The following TOPAZ1 variants were observed in gnomAD, a reference collection of about 807,000 sequenced individuals.
TOPAZ1 encodes the protein protein TOPAZ1.
A neutral mutation model predicts 172.2 loss-of-function variants in TOPAZ1; 66 were observed. The observed-to-expected ratio is 0.38, with a 90% CI of 0.31 to 0.47. The LOEUF is 0.47. TOPAZ1 is among the 20% of genes least tolerant of loss of function. The probability of loss-of-function intolerance (pLI) is 0.99; values close to 1 mark genes in which losing one functional copy is unlikely to be tolerated. For synonymous variants in TOPAZ1, 681 were observed against 683.9 expected, an observed-to-expected ratio of 1.00 and a Z score of 0.07; for missense variants, 1,822 against 1,972.4, an observed-to-expected ratio of 0.92 and a Z score of 1.44.
At chr3:44,276,975 T>TAA (rs1699968146) in intron 8 of TOPAZ1, among the ~76,000 whole-genome samples, 1 of 152,042 alleles carries the variant, frequency 6.6e-6, no homozygotes, top group Non-Finnish European at 1.5e-5. Context: ...GTATTTTTAG[T>TAA]AGAGACGGGA....
chr3:44,261,809 T>C (rs1699779013), intron 4 of TOPAZ1, among the ~76,000 whole-genome samples: 1 of 152,206 alleles, frequency 6.6e-6, no homozygotes, highest in Non-Finnish European at 1.5e-5. Context: ...TTTCCATTAG[T>C]TGATGTCGTC....
intron 15 of TOPAZ1, among the ~76,000 whole-genome samples, chr3:44,309,219 A>G (rs899748339): frequency 6.6e-6 from 1 of 152,190 alleles, no homozygotes; most frequent in African/African-American, 2.4e-5. Flanking sequence ...TACATGAAAT[A>G]CTTAGTCTAC....
rs761401134 is a variant in TOPAZ1 at position 44,306,337 on chromosome 3, C to G, written c.4051C>G (p.Pro1351Ala). ...CEFAETVSKDPQNSKVDKGVL... is the reference protein window; with the variant it reads ...CEFAETVSKDAQNSKVDKGVL... ...TATTTGTGTTTCAGTTAGCAAAGAT[C>G]CACAAAACAGTAAAGTAGATAAAGG... The change falls in exon 15 of 20, where the codon CCA becomes GCA. Residue 1351 changes from proline (P) to alanine (A), a missense_variant. By Grantham distance (27) the Pro-to-Ala change is conservative. Transcript: ENST00000309765. 1 of 1,542,418 alleles carries G rather than the reference C, an allele frequency of 6.5e-7. No individual in the cohort carries two copies. The highest frequency in any genetic ancestry group is 1.2e-5 in the South Asian group (1 of 82,984).
intron 12 of TOPAZ1, among the ~76,000 whole-genome samples, chr3:44,291,821 C>T (rs760440832): frequency 5.3e-5 from 8 of 152,098 alleles, no homozygotes; most frequent in Non-Finnish European, 1.2e-4. Context: ...TGAAATCCTT[C>T]AGAATGCCCA....
At chr3:44,307,632 G>C (rs1379014035) in intron 15 of TOPAZ1, among the ~76,000 whole-genome samples, 4 of 152,038 alleles carry the variant, frequency 2.6e-5, no homozygotes, top group Non-Finnish European at 5.9e-5. Flanking sequence ...GGTCACTATT[G>C]AATTAACTAT....
chr3:44,291,931 C>T (rs1013323791), intron 12 of TOPAZ1, among the ~76,000 whole-genome samples: 2 of 151,962 alleles, frequency 1.3e-5, no homozygotes, highest in Non-Finnish European at 2.9e-5. Context: ...TGTCCCTAGG[C>T]CAAAAGAAAG....
chr3:44,316,551 T>C (rs1220733262), intron 16 of TOPAZ1, among the ~76,000 whole-genome samples: 1 of 152,154 alleles, frequency 6.6e-6, no homozygotes, highest in Non-Finnish European at 1.5e-5. Flanking sequence ...TTCCTAGCTT[T>C]TCATTTTTCT....
At chr3:44,292,282 C>T (rs1422187797) in intron 12 of TOPAZ1, among the ~76,000 whole-genome samples, 2 of 151,996 alleles carry the variant, frequency 1.3e-5, no homozygotes, top group East Asian at 3.8e-4. Flanking sequence ...TGGGGACTAC[C>T]TAGGAAACAA....
At chr3:44,301,202 A>T (rs1281489122) in intron 12 of TOPAZ1, among the ~76,000 whole-genome samples, 2 of 152,144 alleles carry the variant, frequency 1.3e-5, no homozygotes, top group Non-Finnish European at 1.5e-5. Flanking sequence ...GCAGTTACAT[A>T]CACACACACA....
chr3:44,292,961 G>A (rs571637405), intron 12 of TOPAZ1, among the ~76,000 whole-genome samples: 1 of 152,112 alleles, frequency 6.6e-6, no homozygotes, highest in Non-Finnish European at 1.5e-5. Flanking sequence ...GCCCCTTTCT[G>A]TGCTCCCACT....
At chr3:44,314,467 G>T (rs1196028783) in intron 16 of TOPAZ1, among the ~76,000 whole-genome samples, 1 of 152,104 alleles carries the variant, frequency 6.6e-6, no homozygotes, top group Non-Finnish European at 1.5e-5. Flanking sequence ...TGAGGACGCT[G>T]AGGTTCAGAG....
In TOPAZ1 at chr3:44,242,304, G is replaced by C; in HGVS notation, c.251G>C (p.Gly84Ala). 1 of 1,551,858 alleles carries C rather than the reference G, an allele frequency of 6.4e-7. No homozygotes were observed. Among genetic ancestry groups the C allele is most frequent in the South Asian group, 1.2e-5 (1 of 84,026 alleles). ...AAGGCCGCAAGGCGTCAGGTGGAGG[G>C]GCGCAGGGGCCCGGTGAGCCCGTCA... The part of the protein sequence containing the change: ...AGKAARRQVE[G>A]RRGPVSPSDS... The change falls in exon 1 of 20, where the codon GGG becomes GCG. Residue 84 changes from glycine (G) to alanine (A), a missense_variant. Physicochemically the swap from Gly to Ala is moderately conservative, Grantham distance 60 (BLOSUM62 0). Coordinates refer to ENST00000309765, the MANE Select transcript of TOPAZ1 (RefSeq NM_001145030.2).
downstream of TOPAZ1, among the ~76,000 whole-genome samples, chr3:44,332,283 G>A (rs887578074): frequency 3.3e-5 from 5 of 152,100 alleles, no homozygotes; most frequent in Non-Finnish European, 7.3e-5. Context: ...ACTGAATACT[G>A]TGCAGCATTT....
chr3:44,244,023 G>A lies in TOPAZ1; in HGVS notation c.1517G>A (p.Cys506Tyr), dbSNP rs373657630. 4 of 1,551,908 alleles carry A rather than the reference G, an allele frequency of 2.6e-6. No individual in the cohort carries two copies. Among genetic ancestry groups the A allele is most frequent in the Admixed American group, 2.0e-5 (1 of 50,988 alleles). ...TCATGTGCTAGAATATCTGCCTGGTGTTGGAAAAAGGCTTCCTTGCCAGAA... is the reference window on the plus strand; with the variant it reads ...TCATGTGCTAGAATATCTGCCTGGTATTGGAAAAAGGCTTCCTTGCCAGAA... ...YYSCARISAW[C>Y]WKKASLPESS... Residue 506 changes from cysteine (C) to tyrosine (Y), a missense_variant, in exon 2 of 20, where the codon TGT becomes TAT. By Grantham distance (194) the Cys-to-Tyr change is radical (BLOSUM62 -2). Around this residue, in one of 2 missense-constraint regions of TOPAZ1, gnomAD observed 1,489 missense variants for 1,490.8 expected, o/e 1.00. Coordinates refer to ENST00000309765, the MANE Select transcript of TOPAZ1 (RefSeq NM_001145030.2).
intron 1 of TOPAZ1, 68 bp downstream of exon 1, chr3:44,242,467 C>T: frequency 6.8e-7 from 1 of 1,461,600 alleles, no homozygotes; most frequent in Non-Finnish European, 9.3e-7. Flanking sequence ...TTTGTTTTAC[C>T]ACTAGTCTTT....
At chr3:44,255,103 G>T in intron 3 of TOPAZ1, 74 bp downstream of exon 3, 1 of 1,034,332 alleles carries the variant, frequency 9.7e-7, no homozygotes, top group South Asian at 1.5e-5. Flanking sequence ...TAGTCAAGAT[G>T]AATTCACTAG....
At chr3:44,324,695 G>C (rs1192493860) in intron 18 of TOPAZ1, among the ~76,000 whole-genome samples, 1 of 152,054 alleles carries the variant, frequency 6.6e-6, no homozygotes, top group South Asian at 2.1e-4. Context: ...CCCATTTAAA[G>C]TATACAAGTC....
At chr3:44,257,029 G>T (rs1216936375) in intron 4 of TOPAZ1, among the ~76,000 whole-genome samples, 2 of 151,900 alleles carry the variant, frequency 1.3e-5, no homozygotes, top group Non-Finnish European at 2.9e-5. Context: ...ATGTATAGTG[G>T]GAAATAAAAG....
At chr3:44,311,705 ATTT>A in intron 16 of TOPAZ1, among the ~76,000 whole-genome samples, 1 of 152,292 alleles carries the variant, frequency 6.6e-6, no homozygotes, top group Non-Finnish European at 1.5e-5. Flanking sequence ...TGTTCCTAGA[ATTT>A]TTTAATTCTT....
Sources: gnomAD v4.1 joint callset for allele counts (sites outside exome capture counted in the v4.1 genomes callset) on GRCh38, gnomAD v4.1.1 for gene constraint, gnomAD v4.1.1 regional missense constraint, MANE v1.5 for transcripts, NCBI Gene and HGNC (gene_info 2026-07-23, HGNC 2026-07-21) for gene names.